Variants in MYO16 observed in about 807,000 individuals in gnomAD.
MYO16 encodes the protein unconventional myosin-XVI.
Under a neutral mutation model 205.3 loss-of-function variants are expected in MYO16, and 94 were observed. The ratio of observed to expected loss-of-function variants is 0.46; its 90% CI spans 0.39 to 0.54. The LOEUF (loss-of-function observed/expected upper bound fraction) is 0.54. Among genes scored for constraint, MYO16 ranks in the 20% least tolerant of loss-of-function variants. The pLI is 0.00. For synonymous variants in MYO16, 988 were observed against 954.0 expected, an observed-to-expected ratio of 1.04 and a Z score of -0.66; for missense variants, 2,315 against 2,387.5, an observed-to-expected ratio of 0.97 and a Z score of 0.63.
At chr13:109,093,491 C>T (rs9587771) in intron 27 of MYO16, among the ~76,000 whole-genome samples, 24 of 152,118 alleles carry the variant, frequency 1.6e-4, no homozygotes, top group African/African-American at 5.1e-4. Context: ...TGTCTCCTTC[C>T]GAAGCTCCAC....
At chr13:108,792,510 G>T (rs1886645962) in intron 5 of MYO16, among the ~76,000 whole-genome samples, 9 of 66,272 alleles carry the variant, frequency 1.4e-4, no homozygotes, top group East Asian at 6.1e-4. Context: ...TTATACTAAT[G>T]TCTTTTTTTT....
intron 21 of MYO16, among the ~76,000 whole-genome samples, chr13:109,003,661 T>G (rs1885293941): frequency 1.3e-5 from 2 of 152,250 alleles, no homozygotes; most frequent in African/African-American, 4.8e-5. Flanking sequence ...GTTTCACTGC[T>G]TTGATTAAAC....
chr13:108,940,610 T>A (rs963393412), intron 16 of MYO16, among the ~76,000 whole-genome samples: 7 of 152,204 alleles, frequency 4.6e-5, no homozygotes, highest in Non-Finnish European at 5.9e-5. Flanking sequence ...AGAGTAAATG[T>A]GCTTGTAATA....
At chr13:109,193,411 T>C (rs1372683992) in intron 34 of MYO16, among the ~76,000 whole-genome samples, 1 of 152,196 alleles carries the variant, frequency 6.6e-6, no homozygotes, top group Non-Finnish European at 1.5e-5. Context: ...TCCCATTGAT[T>C]TGCTAATCTG....
At chr13:108,784,943 A>G (rs142563387) in intron 4 of MYO16, among the ~76,000 whole-genome samples, 107 of 152,302 alleles carry the variant, frequency 7.0e-4, no homozygotes, top group African/African-American at 2.4e-3. Flanking sequence ...CTACCATTGT[A>G]TTGAAGCTGA....
At chr13:109,019,497 C>T (rs1164907439) in intron 22 of MYO16, among the ~76,000 whole-genome samples, 1 of 152,018 alleles carries the variant, frequency 6.6e-6, no homozygotes, top group Non-Finnish European at 1.5e-5. Context: ...CTTATTTGTT[C>T]ATTAATTTGA....
chr13:109,154,243 G>A (rs1877860821), intron 32 of MYO16, among the ~76,000 whole-genome samples: 1 of 152,208 alleles, frequency 6.6e-6, no homozygotes, highest in African/African-American at 2.4e-5. Flanking sequence ...TTAAAATATG[G>A]AAATGTCTTG....
intron 1 of MYO16, among the ~76,000 whole-genome samples, chr13:108,606,659 A>C (rs1878970769): frequency 6.6e-6 from 1 of 152,160 alleles, no homozygotes; most frequent in Non-Finnish European, 1.5e-5. Flanking sequence ...CTGCTAGGGC[A>C]GTGCGGAAGG....
At chr13:109,155,514 T>G (rs373509381) in intron 32 of MYO16, among the ~76,000 whole-genome samples, 122 of 152,272 alleles carry the variant, frequency 8.0e-4, no homozygotes, top group Non-Finnish European at 1.4e-3. Context: ...TCTGCAGTGA[T>G]GTATTTTTCT....
At position 108,666,028 on chromosome 13, in the gene MYO16, G is replaced by C; in HGVS notation, c.171G>C (p.Glu57Asp). Reference sequence around the variant, plus strand: ...AAATCAAAGCCTACTATGAGCGCGAGAAGGCTTTTCAGAAGCAGGAAGGGT... The same window carrying C: ...AAATCAAAGCCTACTATGAGCGCGACAAGGCTTTTCAGAAGCAGGAAGGGT... ...CEQIKAYYEREKAFQKQEGFL... is the reference protein window; with the variant it reads ...CEQIKAYYERDKAFQKQEGFL... Residue 57 changes from glutamate to aspartate, a missense_variant, in exon 2 of 35, where the codon GAG (glutamate) becomes GAC (aspartate). Physicochemically the swap from Glu to Asp is conservative, Grantham distance 45. Transcript: ENST00000457511. The C allele has an allele frequency of 6.2e-7, 1 of 1,614,160 alleles. No homozygotes were observed. Among genetic ancestry groups the C allele is most frequent in the Non-Finnish European group, 8.5e-7 (1 of 1,179,996 alleles).
chr13:108,894,943 T>C (rs1210335849), intron 14 of MYO16, among the ~76,000 whole-genome samples: 1 of 152,232 alleles, frequency 6.6e-6, no homozygotes, highest in African/African-American at 2.4e-5. Flanking sequence ...AGGAAGAAAC[T>C]ACCTGGAACC....
intron 16 of MYO16, among the ~76,000 whole-genome samples, chr13:108,934,846 G>T (rs889519446): frequency 2.6e-5 from 4 of 152,196 alleles, no homozygotes; most frequent in Non-Finnish European, 5.9e-5. Context: ...AATATGGCTA[G>T]ATAGCTATCC....
chr13:108,660,799 A>G (rs1881468416), intron 1 of MYO16, among the ~76,000 whole-genome samples: 1 of 152,194 alleles, frequency 6.6e-6, no homozygotes, highest in Admixed American at 6.5e-5. Context: ...AATGTGAGGT[A>G]TCATTGCTTA....
At chr13:108,644,405 TATCTATCTATC>T (rs200835203) in intron 1 of MYO16, among the ~76,000 whole-genome samples, 3,815 of 144,364 alleles carry the variant, frequency 0.026, 60 homozygotes, top group Middle Eastern at 0.067. Context: ...TCTATCTATC[TATCTATCTATC>T]ATCTGTTTAA....
chr13:109,136,586 TCTC>T (rs1254429430), intron 31 of MYO16, among the ~76,000 whole-genome samples: 3 of 152,184 alleles, frequency 2.0e-5, no homozygotes, highest in Non-Finnish European at 4.4e-5. Context: ...TGCCTGGAAA[TCTC>T]CTTAGCTATG....
intron 14 of MYO16, among the ~76,000 whole-genome samples, chr13:108,891,479 C>T (rs1031850841): frequency 1.3e-5 from 2 of 152,136 alleles, no homozygotes; most frequent in Non-Finnish European, 2.9e-5. Flanking sequence ...ATAAGATTTT[C>T]TATAGATAAA....
At chr13:108,983,334 C>A (rs1884514096) in intron 20 of MYO16, among the ~76,000 whole-genome samples, 1 of 152,152 alleles carries the variant, frequency 6.6e-6, no homozygotes, top group South Asian at 2.1e-4. Context: ...TGATCAGCCC[C>A]AGGACAGTGT....
intron 23 of MYO16, among the ~76,000 whole-genome samples, chr13:109,022,698 T>TTATATATACGCATATAAACATATG (rs1219151523): frequency 1.8e-5 from 2 of 113,526 alleles, no homozygotes; most frequent in Non-Finnish European, 3.6e-5. Context: ...ATGTATATAT[T>TTATATATACGCATATAAACATATG]TATATATTAT....
chr13:109,104,973 T>A (rs1889077701), intron 28 of MYO16, among the ~76,000 whole-genome samples: 1 of 152,210 alleles, frequency 6.6e-6, no homozygotes, highest in Middle Eastern at 3.2e-3. Flanking sequence ...CTTAACATGC[T>A]GTTCACCACC....
Sources: allele counts gnomAD v4.1 joint callset (sites outside exome capture counted in the v4.1 genomes callset), GRCh38; gene constraint gnomAD v4.1.1; transcripts MANE v1.5; gene names NCBI Gene and HGNC (gene_info 2026-07-23, HGNC 2026-07-21).